Variants in TENM2 observed in about 807,000 individuals in gnomAD.
The protein encoded by TENM2 is teneurin transmembrane protein 2, also known as teneurin-2.
A neutral mutation model predicts 245.2 loss-of-function variants in TENM2; 52 were observed. That is an observed-to-expected ratio of 0.21 (90% confidence interval 0.17 to 0.27). The LOEUF is 0.27. Among genes scored for constraint, TENM2 ranks in the 10% least tolerant of loss-of-function variants. The pLI, the probability that TENM2 is intolerant of heterozygous loss-of-function variation, is 1.00. For synonymous variants in TENM2, 1,363 were observed against 1,438.9 expected (o/e 0.95, Z 1.19); for missense variants, 3,046 against 3,666.8 (o/e 0.83, Z 4.37).
At chr5:167,431,914 G>GATATAT (rs140335875) in intron 2 of TENM2, among the ~76,000 whole-genome samples, 1 of 100,110 alleles carries the variant, frequency 1.0e-5, no homozygotes, top group African/African-American at 5.0e-5. Context: ...TCCAAGGTGT[G>GATATAT]ATATATATAT....
At chr5:168,169,097 T>C (rs1758566743) in intron 13 of TENM2, among the ~76,000 whole-genome samples, 1 of 152,178 alleles carries the variant, frequency 6.6e-6, no homozygotes. Flanking sequence ...ACGGCAATAG[T>C]TCAGTGGGAG....
chr5:167,574,254 T>G (rs1168841904), intron 2 of TENM2, among the ~76,000 whole-genome samples: 1 of 152,190 alleles, frequency 6.6e-6, no homozygotes, highest in East Asian at 1.9e-4. Flanking sequence ...TTCTCCTCCG[T>G]TTTATTTAAG....
chr5:167,716,060 G>A (rs958840858), intron 2 of TENM2, among the ~76,000 whole-genome samples: 29 of 152,174 alleles, frequency 1.9e-4, no homozygotes, highest in African/African-American at 3.6e-4. Flanking sequence ...ACCCACAGGC[G>A]TCTGCCAGTG....
intron 2 of TENM2, among the ~76,000 whole-genome samples, chr5:167,697,977 A>T (rs1168981970): frequency 6.6e-6 from 1 of 152,188 alleles, no homozygotes; most frequent in Non-Finnish European, 1.5e-5. Context: ...GTATCCCTCT[A>T]AGTGATTAAA....
rs540326142 is a variant in TENM2, at chr5:168,030,158, C to CTTTTT, written c.1187-17244_1187-17240dup. On this transcript the variant is annotated intron_variant, in intron 5 of 28. Coordinates refer to ENST00000518659, the Ensembl canonical transcript of TENM2. Reference sequence around the variant, plus strand: ...CTTTGGCCCAAGTCTGGTTCTGGCTCTTTTTTTTTTTTTTTTTTTTTTTTT... The same window carrying CTTTTT: ...CTTTGGCCCAAGTCTGGTTCTGGCTCTTTTTTTTTTTTTTTTTTTTTTTTTTTTTT... 1.3e-3 allele frequency among the ~76,000 whole-genome samples: 82 copies of CTTTTT among 65,264 alleles called. 4 individuals carry two copies. Among genetic ancestry groups the CTTTTT allele is most frequent in the East Asian group, 7.1e-3 (8 of 1,128 alleles). The allele number at this position is 65,264 out of a possible 152,430, so 42.8% of individuals were successfully genotyped here.
At chr5:168,088,074 G>C (rs768239210) in intron 7 of TENM2, 1 of 152,206 alleles carries the variant, frequency 6.6e-6, no homozygotes, top group Non-Finnish European at 1.5e-5. Flanking sequence ...AGCCATTTCT[G>C]TTTCCCTTGG....
intron 2 of TENM2, among the ~76,000 whole-genome samples, chr5:167,673,544 G>C (rs1269918239): frequency 6.6e-6 from 1 of 152,054 alleles, no homozygotes; most frequent in Non-Finnish European, 1.5e-5. Context: ...AAGTACTTGA[G>C]AATGTGATGG....
chr5:167,872,539 AG>A (rs1381079591), intron 2 of TENM2, among the ~76,000 whole-genome samples: 2 of 47,886 alleles, frequency 4.2e-5, no homozygotes, highest in Admixed American at 3.6e-4. Flanking sequence ...AAAGAAAGAA[AG>A]AAAGAAAGAG....
At chr5:167,404,865 T>A (rs1156940972) in intron 2 of TENM2, among the ~76,000 whole-genome samples, 1 of 152,150 alleles carries the variant, frequency 6.6e-6, no homozygotes, top group East Asian at 1.9e-4. Context: ...TTGTGCAACC[T>A]TCAGCACAAT....
intron 3 of TENM2, among the ~76,000 whole-genome samples, chr5:167,944,543 G>C (rs1223365558): frequency 6.6e-6 from 1 of 152,196 alleles, no homozygotes; most frequent in Non-Finnish European, 1.5e-5. Context: ...GACTGGCTCT[G>C]ATGGAGCTCT....
At chr5:168,157,136 G>A (rs1253683601) in intron 12 of TENM2, among the ~76,000 whole-genome samples, 1 of 152,180 alleles carries the variant, frequency 6.6e-6, no homozygotes, top group Non-Finnish European at 1.5e-5. Context: ...TGGTGCTGCT[G>A]GCATGAGCTT....
chr5:167,433,420 A>T (rs2127446881), intron 2 of TENM2, among the ~76,000 whole-genome samples: 1 of 152,278 alleles, frequency 6.6e-6, no homozygotes, highest in African/African-American at 2.4e-5. Context: ...TAACAGTATC[A>T]GGTGGAGATT....
At chr5:167,533,793 A>T (rs1321746399) in intron 2 of TENM2, among the ~76,000 whole-genome samples, 1 of 152,124 alleles carries the variant, frequency 6.6e-6, no homozygotes, top group Non-Finnish European at 1.5e-5. Flanking sequence ...GTAACATAGC[A>T]TGGCAGGGGA....
chr5:168,148,872 ATGAT>A (rs774617602), intron 12 of TENM2, among the ~76,000 whole-genome samples: 3 of 132,360 alleles, frequency 2.3e-5, no homozygotes, highest in African/African-American at 8.6e-5. Flanking sequence ...ATAAATATAT[ATGAT>A]AGATAGATAG....
intron 5 of TENM2, among the ~76,000 whole-genome samples, chr5:168,014,410 G>A (rs952801304): frequency 4.6e-5 from 7 of 152,036 alleles, no homozygotes; most frequent in Non-Finnish European, 1.0e-4. Flanking sequence ...CCCCAAGTGC[G>A]CTGGCCTCTG....
At chr5:167,398,797 T>C (rs1191020205) in intron 2 of TENM2, among the ~76,000 whole-genome samples, 9 of 152,156 alleles carry the variant, frequency 5.9e-5, no homozygotes, top group Admixed American at 5.9e-4. Context: ...GATGGGCTAG[T>C]ATATTAAGCT....
chr5:167,274,423 T>G, the TENM2 span, among the ~76,000 whole-genome samples: 1 of 152,158 alleles, frequency 6.6e-6, no homozygotes, highest in Non-Finnish European at 1.5e-5. Context: ...ACACTTGGGT[T>G]GTTTCCAGTT....
At chr5:167,452,961 A>ATATATATATAT (rs1561968262) in intron 2 of TENM2, among the ~76,000 whole-genome samples, 17 of 77,080 alleles carry the variant, frequency 2.2e-4, no homozygotes, top group South Asian at 1.4e-3. Flanking sequence ...ATATATATAT[A>ATATATATATAT]TTTAAAAAAA....
intron 2 of TENM2, among the ~76,000 whole-genome samples, chr5:167,598,924 A>G (rs972694121): frequency 2.0e-5 from 3 of 152,156 alleles, no homozygotes; most frequent in African/African-American, 7.2e-5. Flanking sequence ...GGTTCTTTTG[A>G]ACTTCATTTG....
Sources: gnomAD v4.1 joint callset for allele counts (sites outside exome capture counted in the v4.1 genomes callset) on GRCh38, gnomAD v4.1.1 for gene constraint, MANE v1.5 for transcripts, NCBI Gene and HGNC (gene_info 2026-07-23, HGNC 2026-07-21) for gene names.